The following B3GALT1 variants were observed in gnomAD, a reference collection of about 807,000 sequenced individuals.
B3GALT1 encodes beta-1,3-galactosyltransferase 1.
Under a neutral mutation model 23.2 loss-of-function variants are expected in B3GALT1, and 10 were observed. The ratio of observed to expected loss-of-function variants is 0.43; its 90% confidence interval spans 0.27 to 0.73. The LOEUF is 0.73. Among genes scored for constraint, B3GALT1 ranks in the 30% least tolerant of loss-of-function variants. The probability of loss-of-function intolerance (pLI) is 0.21; values close to 1 mark genes in which losing one functional copy is unlikely to be tolerated. For synonymous variants in B3GALT1, 156 were observed against 141.5 expected (o/e 1.10, Z -0.73); for missense variants, 299 against 405.4 (o/e 0.74, Z 2.25).
chr2:167,513,309 G>T (rs370103414), intron 2 of B3GALT1, among the ~76,000 whole-genome samples: 9 of 152,024 alleles, frequency 5.9e-5, no homozygotes, highest in Non-Finnish European at 1.3e-4. Flanking sequence ...TCACAGCTTC[G>T]ATTTCCAATT....
intron 3 of B3GALT1, among the ~76,000 whole-genome samples, chr2:167,779,705 G>A (rs1193665147): frequency 1.3e-5 from 2 of 152,078 alleles, no homozygotes; most frequent in African/African-American, 4.8e-5. Context: ...TCAGTGCACA[G>A]GGCCAAATTT....
At position 167,392,899 on chromosome 2, in the gene B3GALT1, C is replaced by G. The variant is rs1454784150; in HGVS notation, c.-510-97278C>G. 2.6e-5 allele frequency among the ~76,000 whole-genome samples: 4 copies of G among 152,234 alleles called. No individual in the cohort carries two copies. In the South Asian group the frequency reaches 8.3e-4, roughly 32 times the overall value. Reference sequence around the variant, plus strand: ...AACACACTCTCCTCTAGAACGAACACTTGTGAAAAAGCCGTACGTTTCTGG... The same window carrying G: ...AACACACTCTCCTCTAGAACGAACAGTTGTGAAAAAGCCGTACGTTTCTGG... On this transcript the variant is annotated intron_variant, in intron 1 of 4. Coordinates refer to ENST00000392690, the MANE Select transcript of B3GALT1 (RefSeq NM_020981.4).
chr2:167,583,883 G>T (rs1044608867), intron 2 of B3GALT1, among the ~76,000 whole-genome samples: 1 of 152,148 alleles, frequency 6.6e-6, no homozygotes, highest in African/African-American at 2.4e-5. Context: ...GTCAGCTCCT[G>T]CTGTAACAGA....
chr2:167,825,801 T>G (rs1168590389), intron 4 of B3GALT1, among the ~76,000 whole-genome samples: 1 of 152,166 alleles, frequency 6.6e-6, no homozygotes, highest in East Asian at 1.9e-4. Flanking sequence ...TTGGCTCCAC[T>G]CTTCTATCTC....
chr2:167,766,475 C>G (rs77364940), intron 3 of B3GALT1, among the ~76,000 whole-genome samples: 3,652 of 152,254 alleles, frequency 0.024, 156 homozygotes, highest in East Asian at 0.12. Flanking sequence ...GTTCAAGACA[C>G]TTTTGTATGC....
chr2:167,690,203 AT>A (rs1265657082), intron 3 of B3GALT1, among the ~76,000 whole-genome samples: 2 of 152,190 alleles, frequency 1.3e-5, no homozygotes, highest in Non-Finnish European at 2.9e-5. Flanking sequence ...AAAATTTATG[AT>A]TTAAAAAAAT....
chr2:167,372,705 G>A (rs778754873), intron 1 of B3GALT1, among the ~76,000 whole-genome samples: 57 of 151,996 alleles, frequency 3.8e-4, no homozygotes, highest in Middle Eastern at 3.4e-3. Context: ...GTTACAAAAT[G>A]AAATTTGAAG....
intron 2 of B3GALT1, among the ~76,000 whole-genome samples, chr2:167,517,458 G>A (rs1248786737): frequency 2.9e-4 from 44 of 152,014 alleles, no homozygotes; most frequent in Non-Finnish European, 2.9e-5. Context: ...GATTTCTACT[G>A]TTAACCAATT....
chr2:167,803,197 C>T (rs1220431196), intron 3 of B3GALT1, among the ~76,000 whole-genome samples: 1 of 151,696 alleles, frequency 6.6e-6, no homozygotes, highest in Non-Finnish European at 1.5e-5. Context: ...TAGAGCCAAT[C>T]CTTAAAAAAA....
intron 3 of B3GALT1, among the ~76,000 whole-genome samples, chr2:167,803,474 A>G (rs1688682106): frequency 6.6e-6 from 1 of 152,132 alleles, no homozygotes. Context: ...GTCGTCCCTG[A>G]GATTTCACAA....
chr2:167,523,150 T>A (rs781454422), intron 2 of B3GALT1, among the ~76,000 whole-genome samples: 8 of 152,210 alleles, frequency 5.3e-5, no homozygotes, highest in Non-Finnish European at 8.8e-5. Flanking sequence ...CTCGATTTTA[T>A]TTCATTCACA....
intron 4 of B3GALT1, among the ~76,000 whole-genome samples, chr2:167,821,390 A>C (rs1689102875): frequency 6.6e-6 from 1 of 151,760 alleles, no homozygotes; most frequent in Non-Finnish European, 1.5e-5. Context: ...GGAAGAAAAG[A>C]AGAGCTGAGT....
At chr2:167,579,559 A>G (rs1302885686) in intron 2 of B3GALT1, among the ~76,000 whole-genome samples, 2 of 151,332 alleles carry the variant, frequency 1.3e-5, no homozygotes, top group Non-Finnish European at 2.9e-5. Context: ...GGTCGCTGAC[A>G]CTCAATGAGG....
At chr2:167,852,288 A>G (rs186056663) in intron 4 of B3GALT1, among the ~76,000 whole-genome samples, 15 of 152,288 alleles carry the variant, frequency 9.8e-5, no homozygotes, top group Admixed American at 8.5e-4. Context: ...CTCTTACTGG[A>G]TAAGACGGAT....
chr2:167,770,846 T>C (rs1237098828), intron 3 of B3GALT1, among the ~76,000 whole-genome samples: 1 of 152,230 alleles, frequency 6.6e-6, no homozygotes. Flanking sequence ...GGGAAATTTT[T>C]AAATGCCCAA....
chr2:167,463,727 T>A (rs1699301507), intron 1 of B3GALT1, among the ~76,000 whole-genome samples: 1 of 152,122 alleles, frequency 6.6e-6, no homozygotes. Flanking sequence ...AGTAGCCAAG[T>A]AAAAGATATG....
intron 1 of B3GALT1, among the ~76,000 whole-genome samples, chr2:167,350,544 G>A (rs1697294166): frequency 6.6e-6 from 1 of 152,180 alleles, no homozygotes; most frequent in African/African-American, 2.4e-5. Context: ...ATTGCATGCA[G>A]ATAACTTAGA....
Position 167,501,271 on chromosome 2 carries a change from T to C in B3GALT1, c.-410+10994T>C, listed in dbSNP as rs1030878825. Among the ~76,000 whole-genome samples the C allele has an allele frequency of 2.6e-5, 4 of 152,004 alleles. No homozygotes were observed. In the East Asian group the frequency reaches 7.7e-4, roughly 29 times the overall value. On this transcript the variant is annotated intron_variant, in intron 2 of 4. Transcript: ENST00000392690. The stretch of plus-strand genomic sequence containing the variant: ...ATTGGGGCAAAATTTGTTTTTTTCT[T>C]TCTGATTGTGTATTATTAAATAGCA...
At chr2:167,859,306 G>A (rs750160830) in intron 4 of B3GALT1, among the ~76,000 whole-genome samples, 9 of 152,118 alleles carry the variant, frequency 5.9e-5, no homozygotes, top group Non-Finnish European at 1.0e-4. Flanking sequence ...TATTTAAAAT[G>A]ATGAAATATC....
Sources: allele counts gnomAD v4.1 joint callset (sites outside exome capture counted in the v4.1 genomes callset), GRCh38; gene constraint gnomAD v4.1.1; transcripts MANE v1.5; gene names NCBI Gene and HGNC (gene_info 2026-07-23, HGNC 2026-07-21).